Variants in DACH2 observed in about 807,000 individuals in gnomAD.
DACH2 encodes the protein dachshund family transcription factor 2.
DACH2 carries 17 observed loss-of-function variants against 35.8 expected under a neutral mutation model. The observed-to-expected ratio is 0.48, with a 90% CI of 0.33 to 0.71. The LOEUF is 0.71. Ranked by LOEUF, DACH2 falls within the 30% of genes least tolerant of loss-of-function variation. DACH2 has a pLI of 0.02. For synonymous variants in DACH2, 195 were observed against 177.3 expected (o/e 1.10, Z -0.79); for missense variants, 469 against 472.7 (o/e 0.99, Z 0.07).
intron 1 of DACH2, among the ~76,000 whole-genome samples, chrX:86,291,570 A>G (rs770614737): frequency 1.1e-3 from 118 of 108,572 alleles, no homozygotes; most frequent in Admixed American, 2.3e-3. Flanking sequence ...TTTGTCATAG[A>G]TAGCTCTTAT....
chrX:86,667,553 A>AAAG (rs1295949758), intron 4 of DACH2, among the ~76,000 whole-genome samples: 187 of 49,242 alleles, frequency 3.8e-3, no homozygotes, highest in African/African-American at 7.7e-3. Context: ...AAGAAGAAAG[A>AAAG]AAGAAAGAAA....
At chrX:86,793,511 C>T (rs1237744532) in intron 7 of DACH2, among the ~76,000 whole-genome samples, 1 of 111,753 alleles carries the variant, frequency 8.9e-6, no homozygotes, top group Admixed American at 9.5e-5. Context: ...ACACATCACA[C>T]ATGGTTCCCA....
rs772359846 is a variant in DACH2 at position 86,498,956 on chromosome X, G to A, written c.528-15323G>A. Among the ~76,000 whole-genome samples, 22 of 111,816 alleles carry A rather than the reference G, an allele frequency of 2.0e-4. No homozygotes were observed. The Admixed American group carries it at 2.0e-3, about 10-fold the overall frequency. The stretch of plus-strand genomic sequence containing the variant: ...AATGTTGTTTCTGGTTATAGAAGCT[G>A]ATTACTTAGCTGCTTTGTATTTCTT... On this transcript the variant is annotated intron_variant, in intron 2 of 11. Transcript: ENST00000373125.
chrX:86,440,404 C>T (rs1002736855), intron 2 of DACH2, among the ~76,000 whole-genome samples: 4 of 111,275 alleles, frequency 3.6e-5, no homozygotes, highest in African/African-American at 1.3e-4. Context: ...ACTGAAGTCT[C>T]CCTGGAATAA....
At chrX:86,599,422 T>TTCTTTCTCTTCTTCTCTG (rs2039757040) in intron 3 of DACH2, among the ~76,000 whole-genome samples, 2 of 110,552 alleles carry the variant, frequency 1.8e-5, no homozygotes, top group African/African-American at 6.6e-5. Flanking sequence ...TTTTTCTTTT[T>TTCTTTCTCTTCTTCTCTG]TCTTTCTCTT....
At chrX:86,495,216 AT>A (rs934109875) in intron 2 of DACH2, among the ~76,000 whole-genome samples, 23 of 104,389 alleles carry the variant, frequency 2.2e-4, no homozygotes, top group South Asian at 1.7e-3. Context: ...CCTGGTTATT[AT>A]TTTTTTTTTA....
intron 1 of DACH2, among the ~76,000 whole-genome samples, chrX:86,275,639 G>A (rs1602345297): frequency 1.8e-5 from 2 of 111,332 alleles, no homozygotes; most frequent in Middle Eastern, 9.3e-3. Context: ...CAAATAGAAG[G>A]TCTTATTCAT....
chrX:86,394,586 G>T (rs1267055339), intron 2 of DACH2, among the ~76,000 whole-genome samples: 2 of 111,664 alleles, frequency 1.8e-5, no homozygotes, highest in Middle Eastern at 4.8e-3. Flanking sequence ...AATAGTGAAA[G>T]ATCTTTTGCT....
chrX:86,309,369 T>C (rs754427740), intron 1 of DACH2, among the ~76,000 whole-genome samples: 6 of 112,278 alleles, frequency 5.3e-5, no homozygotes, highest in Admixed American at 3.8e-4. Context: ...ACAAATGCCT[T>C]TTTCTCCATT....
intron 3 of DACH2, among the ~76,000 whole-genome samples, chrX:86,595,362 C>A (rs1348653339): frequency 9.0e-6 from 1 of 111,455 alleles, no homozygotes; most frequent in Non-Finnish European, 1.9e-5. Flanking sequence ...ATCCTCCCAC[C>A]TCAGGATCTC....
chrX:86,177,215 T>C (rs1269605580), intron 1 of DACH2, among the ~76,000 whole-genome samples: 4 of 112,354 alleles, frequency 3.6e-5, no homozygotes, highest in Non-Finnish European at 7.5e-5. Flanking sequence ...AACTATCTTA[T>C]AAAGAGTACT....
chrX:86,559,616 G>T (rs2039176671), intron 3 of DACH2, among the ~76,000 whole-genome samples: 1 of 50,311 alleles, frequency 2.0e-5, no homozygotes, highest in Non-Finnish European at 3.5e-5. Flanking sequence ...TTATGAATCT[G>T]GGTGCTCTTG....
chrX:86,373,919 A>G (rs1333218851), intron 1 of DACH2, among the ~76,000 whole-genome samples: 1 of 111,378 alleles, frequency 9.0e-6, no homozygotes, highest in Non-Finnish European at 1.9e-5. Context: ...GGTTAAAGGA[A>G]CAATCTCTTT....
chrX:86,463,900 G>A (rs1189005579), intron 2 of DACH2, among the ~76,000 whole-genome samples: 5 of 111,411 alleles, frequency 4.5e-5, no homozygotes, highest in African/African-American at 1.3e-4. Context: ...ACAATTATGC[G>A]GCCAACAAAC....
chrX:86,667,557 AAAG>A (rs1569463693), intron 4 of DACH2, among the ~76,000 whole-genome samples: 1 of 70,427 alleles, frequency 1.4e-5, no homozygotes, highest in Non-Finnish European at 2.6e-5. Flanking sequence ...AGAAAGAAAG[AAAG>A]AAAGAAAGAA....
intron 3 of DACH2, among the ~76,000 whole-genome samples, chrX:86,649,990 G>A (rs192059292): frequency 9.0e-4 from 100 of 110,878 alleles, no homozygotes; most frequent in African/African-American, 3.0e-3. Flanking sequence ...ACCAGTAGAT[G>A]ATTAGGGACA....
At chrX:86,358,431 CCACACACACACACA>C (rs752012562) in intron 1 of DACH2, among the ~76,000 whole-genome samples, 1,134 of 87,512 alleles carry the variant, frequency 0.013, 14 homozygotes, top group African/African-American at 0.044. Context: ...CCCAGCCCCG[CCACACACACACACA>C]CACACACACA....
At chrX:86,207,709 A>G (rs1043503424) in intron 1 of DACH2, among the ~76,000 whole-genome samples, 2 of 111,305 alleles carry the variant, frequency 1.8e-5, no homozygotes, top group African/African-American at 6.5e-5. Flanking sequence ...ACAGACTGAG[A>G]AAGAGTATAA....
intron 7 of DACH2, among the ~76,000 whole-genome samples, chrX:86,789,606 A>G (rs1399477278): frequency 8.9e-6 from 1 of 111,914 alleles, no homozygotes; most frequent in Non-Finnish European, 1.9e-5. Context: ...AGGTGTGAAA[A>G]GGAGTCTGCC....
Sources: gnomAD v4.1 joint callset for allele counts (sites outside exome capture counted in the v4.1 genomes callset) on GRCh38, gnomAD v4.1.1 for gene constraint, MANE v1.5 for transcripts, NCBI Gene and HGNC (gene_info 2026-07-23, HGNC 2026-07-21) for gene names.